Variants in SYNPO2 observed in about 807,000 individuals in gnomAD.
SYNPO2 encodes synaptopodin-2.
Under a neutral mutation model 85.0 loss-of-function variants are expected in SYNPO2, and 56 were observed. That is an observed-to-expected ratio of 0.66 (90% CI 0.53 to 0.82). The LOEUF is 0.82. Ranked by LOEUF, SYNPO2 falls within the 40% of genes least tolerant of loss-of-function variation. SYNPO2 has a pLI of 0.00. For synonymous variants in SYNPO2, 602 were observed against 591.1 expected (o/e 1.02, Z -0.27); for missense variants, 1,575 against 1,534.2 (o/e 1.03, Z -0.44).
intron 4 of SYNPO2, among the ~76,000 whole-genome samples, chr4:119,045,247 C>T (rs1330532840): frequency 6.6e-6 from 1 of 152,162 alleles, no homozygotes; most frequent in African/African-American, 2.4e-5. Context: ...TCATTACTCT[C>T]ATAATAAATT....
chr4:119,049,739 A>G (rs1738976835), intron 4 of SYNPO2, among the ~76,000 whole-genome samples: 1 of 152,206 alleles, frequency 6.6e-6, no homozygotes, highest in Non-Finnish European at 1.5e-5. Flanking sequence ...GTGTGGATAA[A>G]CCAACATTTA....
intron 4 of SYNPO2, chr4:119,032,233 G>C: frequency 7.0e-7 from 1 of 1,430,692 alleles, no homozygotes; most frequent in South Asian, 1.5e-5. Context: ...AACTCAGATT[G>C]ACCTAAAATA....
At chr4:118,939,009 G>A (rs1237414211) in intron 1 of SYNPO2, among the ~76,000 whole-genome samples, 1 of 152,166 alleles carries the variant, frequency 6.6e-6, no homozygotes, top group Non-Finnish European at 1.5e-5. Context: ...CAGTAAAAAT[G>A]CTGCCCTGTG....
rs1735505338 is a variant in SYNPO2, at chr4:118,970,655, T to G, written c.106-52775T>G. ...TTTCATTATTATAAAGGGACTGTAG[T>G]AGAAAACTGGTCTTGCTATATCCAA... On this transcript the variant is annotated intron_variant, in intron 1 of 4. Transcript: ENST00000307142. 3.3e-5 allele frequency among the ~76,000 whole-genome samples: 5 copies of G among 152,312 alleles called. No individual in the cohort carries two copies. The South Asian group carries it at 1.0e-3, about 32-fold the overall frequency.
intron 1 of SYNPO2, among the ~76,000 whole-genome samples, chr4:118,962,136 A>G (rs1735120640): frequency 6.6e-6 from 1 of 152,220 alleles, no homozygotes; most frequent in African/African-American, 2.4e-5. Context: ...TCCGCACAGC[A>G]GCAATGGATG....
chr4:119,016,214 G>A (rs1016703716), intron 1 of SYNPO2, among the ~76,000 whole-genome samples: 25 of 152,106 alleles, frequency 1.6e-4, no homozygotes, highest in Admixed American at 1.5e-3. Context: ...ACGAGGTCAG[G>A]AGTTCGAGAC....
chr4:119,032,477 G>A, intron 4 of SYNPO2: 1 of 1,037,932 alleles, frequency 9.6e-7, no homozygotes, highest in East Asian at 8.1e-5. Flanking sequence ...TTCCCTTTTA[G>A]GTAGTGCCTT....
At chr4:118,920,664 A>G (rs566963429) in intron 1 of SYNPO2, among the ~76,000 whole-genome samples, 1 of 152,336 alleles carries the variant, frequency 6.6e-6, no homozygotes, top group African/African-American at 2.4e-5. Flanking sequence ...AATGTAAGAA[A>G]TATGTATTCC....
Position 119,058,308 on chromosome 4 carries a change from A to T in SYNPO2, c.*374A>T, listed in dbSNP as rs1388177425. The T allele has an allele frequency of 6.0e-6, 1 of 165,654 alleles. No individual in the cohort carries two copies. Among genetic ancestry groups the T allele is most frequent in the Non-Finnish European group, 1.3e-5 (1 of 76,594 alleles). 10.3% of individuals were successfully genotyped at this position (165,654 alleles called of 1,614,324 possible). A position where few individuals can be genotyped will look rare whatever the true frequency, so the allele number is the denominator to read the frequency against. On this transcript the variant is annotated 3_prime_UTR_variant, in exon 5 of 5. Transcript: ENST00000307142. ...GTAAAACTAAGTATTTCTTCATTGTACCTTAGTCCAGGAAGAAATTAATGG... is the reference window on the plus strand; with the variant it reads ...GTAAAACTAAGTATTTCTTCATTGTTCCTTAGTCCAGGAAGAAATTAATGG...
At chr4:118,876,679 T>TTC (rs1354194016) in intron 1 of SYNPO2, among the ~76,000 whole-genome samples, 46 of 21,074 alleles carry the variant, frequency 2.2e-3, no homozygotes, top group African/African-American at 9.0e-3. Context: ...CTTTCTTTCT[T>TTC]TCTTTCTTTC....
At chr4:118,884,538 G>A (rs1019650378), upstream of SYNPO2, among the ~76,000 whole-genome samples, 1 of 152,200 alleles carries the variant, frequency 6.6e-6, no homozygotes, top group Non-Finnish European at 1.5e-5. Context: ...GATCAACACT[G>A]CTGGGGTGGG....
At chr4:118,864,514 T>G (rs1264381562) in intron 1 of SYNPO2, among the ~76,000 whole-genome samples, 1 of 152,216 alleles carries the variant, frequency 6.6e-6, no homozygotes, top group Non-Finnish European at 1.5e-5. Flanking sequence ...GTCTGAAAGA[T>G]CTGTCTGATG....
In SYNPO2 at chr4:119,026,781, A is replaced by T; in HGVS notation, c.412A>T (p.Thr138Ser). ...AGAATTCTTCCTCGCCCCTGTCAAG[A>T]CTGAAGTTCCCCTAGCTGAGAACCA... ...CTEFFLAPVKTEVPLAENQRS... is the reference protein window; with the variant it reads ...CTEFFLAPVKSEVPLAENQRS... Residue 138 changes from threonine to serine, a missense_variant, in exon 3 of 5, where the codon ACT becomes TCT. Physicochemically the swap from Thr to Ser is moderately conservative, Grantham distance 58. Around this residue, in one of 3 missense-constraint regions of SYNPO2, gnomAD observed 1,508 missense variants for 1,446.8 expected, o/e 1.04. Transcript: ENST00000307142. The T allele has an allele frequency of 6.2e-7, 1 of 1,612,404 alleles. No homozygotes were observed. The highest frequency in any genetic ancestry group is 8.5e-7 in the Non-Finnish European group (1 of 1,179,544).
intron 1 of SYNPO2, among the ~76,000 whole-genome samples, chr4:118,994,971 T>G (rs117075747): frequency 6.6e-6 from 1 of 152,232 alleles, no homozygotes; most frequent in South Asian, 2.1e-4. Context: ...GAATATTTTT[T>G]ATTTACTATT....
At chr4:119,043,974 A>C (rs1044807655) in intron 4 of SYNPO2, 10 of 151,822 alleles carry the variant, frequency 6.6e-5, no homozygotes, top group Non-Finnish European at 8.8e-5. Flanking sequence ...AGCTATGCAA[A>C]TAAAAACCAG....
At chr4:118,904,012 C>T (rs964467457) in intron 1 of SYNPO2, among the ~76,000 whole-genome samples, 17 of 152,108 alleles carry the variant, frequency 1.1e-4, no homozygotes, top group African/African-American at 3.9e-4. Flanking sequence ...CACCGTGCCC[C>T]GCCAATGGTA....
intron 1 of SYNPO2, among the ~76,000 whole-genome samples, chr4:118,990,191 AT>A (rs1736360521): frequency 6.6e-6 from 1 of 151,874 alleles, no homozygotes; most frequent in African/African-American, 2.4e-5. Flanking sequence ...ATCATATTGG[AT>A]TATTGAAAGA....
chr4:118,925,853 G>A (rs1304082885), intron 1 of SYNPO2, among the ~76,000 whole-genome samples: 1 of 144,694 alleles, frequency 6.9e-6, no homozygotes, highest in African/African-American at 2.6e-5. Context: ...GTATAGAGTT[G>A]GTGCTCTGAA....
chr4:118,855,243 C>A (rs765814676), intron 1 of SYNPO2, among the ~76,000 whole-genome samples: 1 of 151,782 alleles, frequency 6.6e-6, no homozygotes, highest in East Asian at 1.9e-4. Flanking sequence ...TTTGATAAAT[C>A]TTCTATTTTT....
Sources: allele counts gnomAD v4.1 joint callset (sites outside exome capture counted in the v4.1 genomes callset), GRCh38; gene constraint gnomAD v4.1.1; regional missense constraint gnomAD v4.1.1; transcripts MANE v1.5; gene names NCBI Gene and HGNC (gene_info 2026-07-23, HGNC 2026-07-21).